EPHA6: variants seen among roughly 807,000 people sequenced by gnomAD.
EPHA6 encodes ephrin type-A receptor 6.
EPHA6 carries 50 observed loss-of-function variants against 112.0 expected under a neutral mutation model. The ratio of observed to expected loss-of-function variants is 0.45; its 90% CI spans 0.36 to 0.56. EPHA6 has a LOEUF of 0.56. Among genes scored for constraint, EPHA6 ranks in the 20% least tolerant of loss-of-function variants. The pLI is 0.00. For missense variants in EPHA6, 1,280 were observed against 1,417.4 expected, an observed-to-expected ratio of 0.90 and a Z score of 1.56; for synonymous variants, 529 against 490.7, an observed-to-expected ratio of 1.08 and a Z score of -1.03.
chr3:97,266,969 G>A (rs1360730398), intron 5 of EPHA6, among the ~76,000 whole-genome samples: 1 of 152,118 alleles, frequency 6.6e-6, no homozygotes, highest in Non-Finnish European at 1.5e-5. Flanking sequence ...AAGGGGTAGA[G>A]TCATCAAATA....
chr3:97,515,312 T>A (rs551066320), intron 10 of EPHA6, among the ~76,000 whole-genome samples: 2 of 152,206 alleles, frequency 1.3e-5, no homozygotes, highest in African/African-American at 2.4e-5. Context: ...AGCAATAACA[T>A]AAGCTGCCAG....
chr3:97,360,808 A>G (rs2084332674), intron 5 of EPHA6, among the ~76,000 whole-genome samples: 1 of 152,240 alleles, frequency 6.6e-6, no homozygotes, highest in African/African-American at 2.4e-5. Flanking sequence ...TATATAGTAT[A>G]AGGAGAAAAA....
intron 14 of EPHA6, among the ~76,000 whole-genome samples, chr3:97,707,848 C>T (rs2033763326): frequency 6.6e-6 from 1 of 152,170 alleles, no homozygotes; most frequent in Non-Finnish European, 1.5e-5. Context: ...GTTCCTCTCT[C>T]TCTCTCCTGC....
chr3:97,217,299 TA>T (rs983093708), intron 3 of EPHA6, among the ~76,000 whole-genome samples: 2 of 151,646 alleles, frequency 1.3e-5, no homozygotes, highest in East Asian at 1.9e-4. Flanking sequence ...ATTTTACTAA[TA>T]AAAAAAATTC....
At chr3:97,258,017 A>G (rs969665464) in intron 5 of EPHA6, among the ~76,000 whole-genome samples, 5 of 151,948 alleles carry the variant, frequency 3.3e-5, no homozygotes, top group Admixed American at 2.6e-4. Flanking sequence ...CTGTAAAATT[A>G]TTTGCAAAGT....
At position 97,509,956 on chromosome 3, in the gene EPHA6, C is replaced by A. The variant is rs555878058; in HGVS notation, c.2201-22402C>A. Among the ~76,000 whole-genome samples the A allele has an allele frequency of 4.6e-5, 7 of 152,212 alleles. No individual in the cohort carries two copies. The South Asian group carries it at 1.2e-3, about 27-fold the overall frequency. ...TAAATTGATCTTTAATCTCTGATAT[C>A]TTTTCTTCCACTTGATCAATTCAGC... On this transcript the variant is annotated intron_variant, in intron 10 of 17. Transcript: ENST00000389672.
intron 3 of EPHA6, among the ~76,000 whole-genome samples, chr3:97,146,353 T>A (rs2108364136): frequency 6.6e-6 from 1 of 152,048 alleles, no homozygotes. Flanking sequence ...TCATTCTCTT[T>A]GCTGCTGGAG....
At chr3:97,498,871 G>A (rs748884505) in intron 10 of EPHA6, among the ~76,000 whole-genome samples, 2 of 152,140 alleles carry the variant, frequency 1.3e-5, no homozygotes, top group South Asian at 2.1e-4. Context: ...CTTCATCTGC[G>A]GAAAAATTGT....
At chr3:96,836,566 A>T (rs981435326) in intron 1 of EPHA6, among the ~76,000 whole-genome samples, 2 of 152,190 alleles carry the variant, frequency 1.3e-5, no homozygotes, top group African/African-American at 4.8e-5. Flanking sequence ...AACATTGCCA[A>T]TCAAGTCATT....
chr3:97,443,984 C>G (rs1378787924), intron 6 of EPHA6, among the ~76,000 whole-genome samples: 3 of 152,064 alleles, frequency 2.0e-5, no homozygotes, highest in African/African-American at 4.8e-5. Flanking sequence ...AGTTGTGTGA[C>G]TTGTTTTGCT....
intron 5 of EPHA6, among the ~76,000 whole-genome samples, chr3:97,319,954 G>T (rs2108779060): frequency 6.6e-6 from 1 of 152,094 alleles, no homozygotes; most frequent in South Asian, 2.1e-4. Context: ...TTTGATATCT[G>T]TGGAACATCA....
intron 5 of EPHA6, among the ~76,000 whole-genome samples, chr3:97,256,008 A>ACAAT (rs1161628748): frequency 2.0e-5 from 3 of 152,264 alleles, no homozygotes; most frequent in African/African-American, 7.2e-5. Context: ...AATGCAAAAA[A>ACAAT]CAATCAAAAT....
chr3:97,435,364 G>A (rs1056498976), intron 6 of EPHA6, among the ~76,000 whole-genome samples: 1 of 152,088 alleles, frequency 6.6e-6, no homozygotes, highest in African/African-American at 2.4e-5. Context: ...CTTAGTAGTT[G>A]TATTTGTATC....
intron 1 of EPHA6, among the ~76,000 whole-genome samples, chr3:96,839,134 A>C (rs2034584540): frequency 6.6e-6 from 1 of 152,112 alleles, no homozygotes; most frequent in Admixed American, 6.6e-5. Flanking sequence ...TGTACATTTA[A>C]ACTTAGTATC....
At chr3:97,472,012 A>G (rs929526863) in intron 7 of EPHA6, among the ~76,000 whole-genome samples, 13 of 151,610 alleles carry the variant, frequency 8.6e-5, no homozygotes, top group Non-Finnish European at 1.6e-4. Flanking sequence ...TTGTCTTTAC[A>G]TGTGTCTTTA....
intron 1 of EPHA6, among the ~76,000 whole-genome samples, chr3:96,861,422 A>T (rs1241507470): frequency 1.3e-5 from 2 of 151,984 alleles, no homozygotes; most frequent in South Asian, 4.1e-4. Flanking sequence ...AAGAAAAGTA[A>T]TTTTTTATTT....
intron 3 of EPHA6, among the ~76,000 whole-genome samples, chr3:97,207,969 T>A (rs1214291382): frequency 6.6e-6 from 1 of 151,974 alleles, no homozygotes; most frequent in Non-Finnish European, 1.5e-5. Flanking sequence ...TATAGGGGGA[T>A]TTGGTATGAG....
intron 5 of EPHA6, among the ~76,000 whole-genome samples, chr3:97,301,709 C>A (rs1401816015): frequency 6.6e-6 from 1 of 152,032 alleles, no homozygotes; most frequent in Non-Finnish European, 1.5e-5. Flanking sequence ...ACATGACCAA[C>A]AAATATTAAT....
At chr3:97,706,652 G>A (rs2033691680) in intron 14 of EPHA6, among the ~76,000 whole-genome samples, 1 of 151,980 alleles carries the variant, frequency 6.6e-6, no homozygotes, top group South Asian at 2.1e-4. Context: ...TCTCTGAAGG[G>A]GTGTCCTAGT....
Sources: allele counts gnomAD v4.1 joint callset (sites outside exome capture counted in the v4.1 genomes callset), GRCh38; gene constraint gnomAD v4.1.1; transcripts MANE v1.5; gene names NCBI Gene and HGNC (gene_info 2026-07-23, HGNC 2026-07-21).